The following PRKCB variants were observed in gnomAD, a reference collection of about 807,000 sequenced individuals.
The protein encoded by PRKCB is protein kinase C beta.
A neutral mutation model predicts 81.5 loss-of-function variants in PRKCB; 13 were observed. The ratio of observed to expected loss-of-function variants is 0.16; its 90% confidence interval spans 0.10 to 0.25. The LOEUF (loss-of-function observed/expected upper bound fraction) is 0.25. Among genes scored for constraint, PRKCB ranks in the 10% least tolerant of loss-of-function variants. PRKCB has a pLI of 1.00. For synonymous variants in PRKCB, 335 were observed against 321.4 expected (o/e 1.04, Z -0.45); for missense variants, 509 against 875.7 (o/e 0.58, Z 5.29).
Position 23,943,515 on chromosome 16 carries a change from T to A in PRKCB, c.206-44993T>A, listed in dbSNP as rs1964164417. 3.9e-5 allele frequency among the ~76,000 whole-genome samples: 6 copies of A among 152,048 alleles called. No homozygotes were observed. The South Asian group carries it at 1.2e-3, about 32-fold the overall frequency. ...CTGCATTTCAGCCTGGGTGATAGAG[T>A]GAGACTCTCTCTCTCTCTCTTTTTA... is the stretch of plus-strand genomic sequence containing the variant. On this transcript the variant is annotated intron_variant, in intron 2 of 16. Transcript: ENST00000643927.
chr16:24,116,945 C>T (rs1966742787), intron 8 of PRKCB, among the ~76,000 whole-genome samples: 1 of 152,140 alleles, frequency 6.6e-6, no homozygotes, highest in African/African-American at 2.4e-5. Flanking sequence ...TTTGTCTGGG[C>T]CAGTAATTGG....
chr16:23,914,811 G>C (rs970203385), intron 2 of PRKCB, among the ~76,000 whole-genome samples: 1 of 152,194 alleles, frequency 6.6e-6, no homozygotes, highest in African/African-American at 2.4e-5. Flanking sequence ...TCATGGGCCA[G>C]TCCAGCTCTG....
chr16:23,986,653 A>G (rs962930143), intron 2 of PRKCB, among the ~76,000 whole-genome samples: 1 of 152,168 alleles, frequency 6.6e-6, no homozygotes, highest in Non-Finnish European at 1.5e-5. Flanking sequence ...GGAATATAAG[A>G]CTCAGCACAT....
chr16:23,930,973 A>G (rs1161783895), intron 2 of PRKCB, among the ~76,000 whole-genome samples: 2 of 152,334 alleles, frequency 1.3e-5, no homozygotes. Context: ...GCTGATTGCC[A>G]TGGTAACCAT....
chr16:23,950,604 C>G (rs1011612327), intron 2 of PRKCB, among the ~76,000 whole-genome samples: 1 of 152,140 alleles, frequency 6.6e-6, no homozygotes, highest in African/African-American at 2.4e-5. Context: ...TACCTGAGGT[C>G]TTAGTGCCTG....
chr16:23,965,957 CTT>C (rs1384772695), intron 2 of PRKCB, among the ~76,000 whole-genome samples: 9 of 152,232 alleles, frequency 5.9e-5, no homozygotes, highest in Admixed American at 2.0e-4. Context: ...TGATCTCTCT[CTT>C]GGCCACTTCA....
chr16:24,188,246 G>C (rs1475215285), intron 15 of PRKCB, among the ~76,000 whole-genome samples: 1 of 152,152 alleles, frequency 6.6e-6, no homozygotes, highest in Admixed American at 6.5e-5. Context: ...TGAGTCCAAT[G>C]GGGCTCTTCC....
chr16:24,113,301 G>A (rs752544226), intron 8 of PRKCB, among the ~76,000 whole-genome samples: 8 of 141,374 alleles, frequency 5.7e-5, no homozygotes, highest in Non-Finnish European at 9.2e-5. Context: ...TTGCTTTCTC[G>A]CTTTCTTCCT....
chr16:23,892,601 A>C (rs1181534922), intron 2 of PRKCB, among the ~76,000 whole-genome samples: 1 of 152,244 alleles, frequency 6.6e-6, no homozygotes, highest in Non-Finnish European at 1.5e-5. Flanking sequence ...TCTGGTCTTC[A>C]TACAAAACCA....
rs140440719 is a variant in PRKCB at position 24,012,463 on chromosome 16, C to A, written c.289-19673C>A. Among the ~76,000 whole-genome samples the A allele has an allele frequency of 4.6e-3, 705 of 152,308 alleles. 6 individuals carry two copies. The highest frequency in any genetic ancestry group is 0.015 in the African/African-American group (623 of 41,568). On this transcript the variant is annotated intron_variant, in intron 3 of 16. Transcript: ENST00000643927. ...GAGGACCCTTGTTCAACTCCACTAA[C>A]CCTCTCTGGACAAGTAGCCTCTGGT...
intron 3 of PRKCB, among the ~76,000 whole-genome samples, chr16:24,020,993 T>C (rs569748886): frequency 6.3e-5 from 8 of 127,522 alleles, no homozygotes; most frequent in African/African-American, 2.2e-4. Flanking sequence ...TCTTTCTTTC[T>C]TTCTTTCTTT....
chr16:23,885,798 C>G (rs9925008), intron 2 of PRKCB, among the ~76,000 whole-genome samples: 2 of 152,146 alleles, frequency 1.3e-5, no homozygotes, highest in Admixed American at 6.5e-5. Flanking sequence ...AGGAAGCTGG[C>G]GGGGAAATAT....
At chr16:24,008,058 A>G (rs1965151911) in intron 3 of PRKCB, among the ~76,000 whole-genome samples, 2 of 152,118 alleles carry the variant, frequency 1.3e-5, no homozygotes, top group Non-Finnish European at 2.9e-5. Flanking sequence ...TGTCCTAAAC[A>G]CTTTACATAT....
chr16:23,856,966 C>T (rs1246747088), intron 2 of PRKCB, among the ~76,000 whole-genome samples: 6 of 152,004 alleles, frequency 3.9e-5, no homozygotes, highest in Non-Finnish European at 8.8e-5. Context: ...TCTGGGGGCT[C>T]ATGAACTTGG....
intron 2 of PRKCB, among the ~76,000 whole-genome samples, chr16:23,974,144 G>T (rs1414465355): frequency 1.3e-5 from 2 of 152,094 alleles, no homozygotes; most frequent in Non-Finnish European, 2.9e-5. Flanking sequence ...AGTGAGTGGT[G>T]GTGGTGGTGA....
At chr16:24,062,985 G>A (rs1567361355) in intron 5 of PRKCB, among the ~76,000 whole-genome samples, 1 of 151,952 alleles carries the variant, frequency 6.6e-6, no homozygotes, top group South Asian at 2.1e-4. Flanking sequence ...AGAGATTGTA[G>A]GATGGTAGGA....
At chr16:24,161,293 A>G (rs1967252632) in intron 10 of PRKCB, among the ~76,000 whole-genome samples, 2 of 152,236 alleles carry the variant, frequency 1.3e-5, no homozygotes, top group Non-Finnish European at 2.9e-5. Context: ...TATCTTTCAA[A>G]CATATGCACA....
intron 12 of PRKCB, among the ~76,000 whole-genome samples, chr16:24,176,241 G>A (rs1967529150): frequency 6.6e-6 from 1 of 152,162 alleles, no homozygotes; most frequent in East Asian, 1.9e-4. Context: ...AAGAAGAGGA[G>A]TGGTTTTACT....
chr16:24,074,272 G>A (rs774231042), intron 5 of PRKCB, among the ~76,000 whole-genome samples: 7 of 152,164 alleles, frequency 4.6e-5, no homozygotes, highest in Admixed American at 1.3e-4. Context: ...TGGATCTTCC[G>A]AGGCACTGTG....
Sources: gnomAD v4.1 joint callset for allele counts (sites outside exome capture counted in the v4.1 genomes callset) on GRCh38, gnomAD v4.1.1 for gene constraint, MANE v1.5 for transcripts, NCBI Gene and HGNC (gene_info 2026-07-23, HGNC 2026-07-21) for gene names.